The following GABRG3 variants were observed in gnomAD, a reference collection of about 807,000 sequenced individuals.
The protein encoded by GABRG3 is gamma-aminobutyric acid receptor subunit gamma-3.
A neutral mutation model predicts 48.8 loss-of-function variants in GABRG3; 25 were observed. That is an observed-to-expected ratio of 0.51 (90% CI 0.37 to 0.72). The LOEUF (loss-of-function observed/expected upper bound fraction) is 0.72, where lower values mean the gene tolerates loss of function less well. Ranked by LOEUF, GABRG3 falls within the 30% of genes least tolerant of loss-of-function variation. The pLI is 0.00. For synonymous variants in GABRG3, 227 were observed against 217.6 expected, an observed-to-expected ratio of 1.04 and a Z score of -0.38; for missense variants, 394 against 577.9, an observed-to-expected ratio of 0.68 and a Z score of 3.26.
intron 5 of GABRG3, among the ~76,000 whole-genome samples, chr15:27,388,138 G>A (rs1455301440): frequency 6.6e-5 from 6 of 91,350 alleles, no homozygotes; most frequent in South Asian, 4.7e-4. Flanking sequence ...AGGAGGGAGG[G>A]AGGGTAAGGA....
intron 3 of GABRG3, among the ~76,000 whole-genome samples, chr15:27,078,228 T>C (rs1406315586): frequency 1.3e-5 from 2 of 152,122 alleles, no homozygotes; most frequent in African/African-American, 2.4e-5. Context: ...AAGGGCCGGA[T>C]AGAAAAATGA....
intron 3 of GABRG3, among the ~76,000 whole-genome samples, chr15:27,301,841 T>C (rs1020259438): frequency 6.6e-6 from 1 of 152,070 alleles, no homozygotes; most frequent in Non-Finnish European, 1.5e-5. Flanking sequence ...ACATAACCTA[T>C]AGTGGAACAG....
intron 5 of GABRG3, chr15:27,365,571 G>A (rs925203935): frequency 1.3e-5 from 2 of 152,188 alleles, no homozygotes; most frequent in Non-Finnish European, 2.9e-5. Context: ...CACCCCAGAG[G>A]AGAGGTTGGC....
Position 26,971,494 on chromosome 15 carries a change from C to T in GABRG3, c.-42C>T, listed in dbSNP as rs1894841458. On this transcript the variant is annotated 5_prime_UTR_variant, in exon 1 of 10. Transcript: ENST00000615808. ...GGTCCGCGCCGGAGGAAGCCGCGCC[C>T]GGCCGAGGCCCCGGACCCTGCGCCC... 1 of 1,460,682 alleles carries T rather than the reference C, an allele frequency of 6.8e-7. No homozygotes were observed. The highest frequency in any genetic ancestry group is 9.1e-7 in the Non-Finnish European group (1 of 1,100,384). 90.5% of individuals were successfully genotyped at this position (1,460,682 alleles called of 1,614,324 possible).
chr15:27,137,195 C>A (rs1255417350), intron 3 of GABRG3, among the ~76,000 whole-genome samples: 3 of 152,212 alleles, frequency 2.0e-5, no homozygotes, highest in African/African-American at 7.2e-5. Context: ...GCCCCACACT[C>A]CCACGGTTAG....
intron 5 of GABRG3, among the ~76,000 whole-genome samples, chr15:27,401,282 T>A (rs7166711): frequency 0.54 from 81,386 of 151,944 alleles, 22,245 homozygotes; most frequent in East Asian, 0.81. Flanking sequence ...ATCGTTTACA[T>A]CAATGTGATT....
At chr15:27,357,688 G>T (rs150018287) in intron 5 of GABRG3, among the ~76,000 whole-genome samples, 11 of 152,126 alleles carry the variant, frequency 7.2e-5, no homozygotes, top group African/African-American at 2.4e-4. Context: ...ATCTGCTTCC[G>T]CATTCAATCT....
chr15:26,974,484 G>C lies in GABRG3; in HGVS notation c.54-2518G>C, dbSNP rs1238006135. ...AACACAGGGTGGAGGCTGTGGTCTG[G>C]CTCTGTAGTGGTGGGGGTAGGAGAG... is the stretch of plus-strand genomic sequence containing the variant. On this transcript the variant is annotated intron_variant, in intron 1 of 9. Coordinates refer to ENST00000615808, the MANE Select transcript of GABRG3 (RefSeq NM_033223.5). This position sits in a 1 kb window ranked among gnomAD's most constrained non-coding sequence, Gnocchi z 4.3. Among the ~76,000 whole-genome samples the C allele has an allele frequency of 1.3e-5, 2 of 152,052 alleles. No homozygotes were observed. The highest frequency in any genetic ancestry group is 4.8e-5 in the African/African-American group (2 of 41,400).
intron 5 of GABRG3, among the ~76,000 whole-genome samples, chr15:27,372,113 TTAAG>T (rs1390764697): frequency 3.3e-5 from 5 of 152,166 alleles, no homozygotes; most frequent in Non-Finnish European, 5.9e-5. Flanking sequence ...AAAATTATAC[TTAAG>T]TATTAACTCA....
intron 5 of GABRG3, among the ~76,000 whole-genome samples, chr15:27,455,417 G>A (rs558168779): frequency 3.7e-4 from 56 of 151,908 alleles, no homozygotes; most frequent in Non-Finnish European, 7.5e-4. Flanking sequence ...ATGTGTGTGT[G>A]CATTTGTGTA....
chr15:27,399,850 G>T (rs1477610095), intron 5 of GABRG3, among the ~76,000 whole-genome samples: 1 of 152,154 alleles, frequency 6.6e-6, no homozygotes, highest in East Asian at 1.9e-4. Flanking sequence ...CGTTGAATCA[G>T]AAGTTAAATA....
chr15:27,236,134 A>G lies in GABRG3; in HGVS notation c.271-90675A>G, dbSNP rs542225725. Among the ~76,000 whole-genome samples, 1 of 152,170 alleles carries G rather than the reference A, an allele frequency of 6.6e-6. No homozygotes were observed. The highest frequency in any genetic ancestry group is 1.5e-5 in the Non-Finnish European group (1 of 68,046). ...GCTGGTGTGTCCTGAGCCCCATCAG[A>G]TCCATGGTACAGACCCAGAACACTT... On this transcript the variant is annotated intron_variant, in intron 3 of 9. Coordinates refer to ENST00000615808, the MANE Select transcript of GABRG3 (RefSeq NM_033223.5). This position sits in a 1 kb window ranked among gnomAD's most constrained non-coding sequence, Gnocchi z 4.4.
At chr15:27,397,961 C>T (rs897502730) in intron 5 of GABRG3, among the ~76,000 whole-genome samples, 9 of 152,006 alleles carry the variant, frequency 5.9e-5, no homozygotes, top group East Asian at 2.0e-4. Flanking sequence ...CCCGCCACCA[C>T]GCCCGGCTAA....
At chr15:27,448,445 GTAAT>G (rs1471979850) in intron 5 of GABRG3, among the ~76,000 whole-genome samples, 1 of 152,194 alleles carries the variant, frequency 6.6e-6, no homozygotes, top group Non-Finnish European at 1.5e-5. Context: ...CACTCATGAC[GTAAT>G]TATTCACATG....
At chr15:27,133,257 C>A (rs552532542) in intron 3 of GABRG3, among the ~76,000 whole-genome samples, 9 of 152,138 alleles carry the variant, frequency 5.9e-5, no homozygotes, top group Admixed American at 4.6e-4. Flanking sequence ...TTTCTACCAG[C>A]CTATTGAGAA....
intron 5 of GABRG3, among the ~76,000 whole-genome samples, chr15:27,410,984 G>A (rs1162166250): frequency 1.3e-5 from 2 of 151,892 alleles, no homozygotes; most frequent in Admixed American, 6.6e-5. Flanking sequence ...ATCCATCAGC[G>A]ATGAGACATT....
At chr15:26,999,168 A>G (rs1261226199) in intron 2 of GABRG3, among the ~76,000 whole-genome samples, 1 of 152,062 alleles carries the variant, frequency 6.6e-6, no homozygotes, top group Non-Finnish European at 1.5e-5. Context: ...ACAATATACA[A>G]TAAAAATAAT....
chr15:27,147,834 A>T (rs1898237627), intron 3 of GABRG3, among the ~76,000 whole-genome samples: 2 of 152,050 alleles, frequency 1.3e-5, no homozygotes, highest in Non-Finnish European at 2.9e-5. Context: ...AGTGCTTCAT[A>T]AATAGATAGC....
At chr15:27,069,511 CTG>C (rs1327731133) in intron 3 of GABRG3, among the ~76,000 whole-genome samples, 3 of 152,206 alleles carry the variant, frequency 2.0e-5, no homozygotes, top group African/African-American at 7.2e-5. Flanking sequence ...GGAATCAAAA[CTG>C]TGCATACACA....
Sources: allele counts gnomAD v4.1 joint callset (sites outside exome capture counted in the v4.1 genomes callset), GRCh38; gene constraint gnomAD v4.1.1; non-coding constraint Gnocchi (gnomAD v3.1); transcripts MANE v1.5; gene names NCBI Gene and HGNC (gene_info 2026-07-23, HGNC 2026-07-21).